The following UGGT1 variants were observed in gnomAD, a reference collection of about 807,000 sequenced individuals.
UGGT1 encodes UDP-glucose:glycoprotein glucosyltransferase 1.
Under a neutral mutation model 203.9 loss-of-function variants are expected in UGGT1, and 107 were observed. That is an observed-to-expected ratio of 0.52 (90% confidence interval 0.45 to 0.62). UGGT1 has a LOEUF of 0.62. UGGT1 is among the 20% of genes least tolerant of loss of function. UGGT1 has a pLI of 0.00. For synonymous variants in UGGT1, 628 were observed against 653.5 expected (o/e 0.96, Z 0.59); for missense variants, 1,673 against 1,867.2 (o/e 0.90, Z 1.92).
At chr2:128,188,108 C>T (rs1176998767) in intron 40 of UGGT1, among the ~76,000 whole-genome samples, 2 of 151,622 alleles carry the variant, frequency 1.3e-5, no homozygotes, top group East Asian at 1.9e-4. Flanking sequence ...GCAGCCTCCA[C>T]CTCCCAGGTT....
chr2:128,153,390 A>G (rs1690073282), intron 19 of UGGT1, among the ~76,000 whole-genome samples: 3 of 152,068 alleles, frequency 2.0e-5, no homozygotes, highest in African/African-American at 4.8e-5. Flanking sequence ...ATACAATTCA[A>G]TGGTTTTTTT....
Position 128,176,907 on chromosome 2 carries a change from G to A in UGGT1, c.3624+9G>A, listed in dbSNP as rs774194124. The stretch of plus-strand genomic sequence containing the variant: ...AAATTATTAAAGTGAAGGTGAGTTT[G>A]GTAAAAGTAGTGGCATTCTGTTATT... On this transcript the variant is annotated intron_variant, in intron 32 of 40. Transcript: ENST00000259253. The A allele has an allele frequency of 1.9e-6, 3 of 1,612,362 alleles. No individual in the cohort carries two copies. The highest frequency in any genetic ancestry group is 1.7e-5 in the Admixed American group (1 of 59,966).
At chr2:128,107,017 A>G (rs1687640131) in intron 3 of UGGT1, among the ~76,000 whole-genome samples, 1 of 152,308 alleles carries the variant, frequency 6.6e-6, no homozygotes, top group African/African-American at 2.4e-5. Flanking sequence ...TTGCATGGAT[A>G]TATGTGATTC....
intron 15 of UGGT1, among the ~76,000 whole-genome samples, chr2:128,137,726 G>C (rs1467168550): frequency 1.3e-5 from 2 of 152,226 alleles, no homozygotes; most frequent in Non-Finnish European, 2.9e-5. Context: ...TTTTGTGAAA[G>C]ATATAAAGTC....
At position 128,091,275 on chromosome 2, in the gene UGGT1, C is replaced by T. The variant is rs568633955; in HGVS notation, c.-83C>T. ...GGCGCGTGTCGGCCTCTCACTGGCG[C>T]AGCCTGCACTGCCGCTGCCGCCTCG... On this transcript the variant is annotated 5_prime_UTR_variant, in exon 1 of 41. Transcript: ENST00000259253. The T allele has an allele frequency of 9.3e-6, 13 of 1,392,146 alleles. No individual in the cohort carries two copies. The highest frequency in any genetic ancestry group is 1.4e-5 in the South Asian group (1 of 71,154). The allele number at this position is 1,392,146 out of a possible 1,614,324, so 86.2% of individuals were successfully genotyped here.
At position 128,176,834 on chromosome 2, in the gene UGGT1, C is replaced by T; in HGVS notation, c.3560C>T (p.Pro1187Leu). The part of the protein sequence containing the change: ...RIYSHDGTDS[P>L]PDADEVVIVL... ...CAAAGCCACGATGGCACTGATTCTCCCCCTGATGCTGATGAGGTGGTTATC... is the reference window on the plus strand; with the variant it reads ...CAAAGCCACGATGGCACTGATTCTCTCCCTGATGCTGATGAGGTGGTTATC... The change falls in exon 32 of 41, where the codon CCC (proline) becomes CTC (leucine). Residue 1187 changes from proline to leucine, a missense_variant. This residue lies in a region of UGGT1 where 513 missense variants were observed against 684.1 expected (regional missense o/e 0.75). Coordinates refer to ENST00000259253, the MANE Select transcript of UGGT1 (RefSeq NM_020120.4). The T allele has an allele frequency of 6.2e-7, 1 of 1,613,996 alleles. No homozygotes were observed.
rs543402761 is a variant in UGGT1 at position 128,131,596 on chromosome 2, A to C, written c.1378-1545A>C. Among the ~76,000 whole-genome samples, 8 of 151,950 alleles carry C rather than the reference A, an allele frequency of 5.3e-5. No homozygotes were observed. In the South Asian group the frequency reaches 1.0e-3, roughly 20 times the overall value. ...ATTTGGGGTAGATATCTGGAACTAG[A>C]GTATTGTATTGTGTTGTGTTGTGTT... On this transcript the variant is annotated intron_variant, in intron 13 of 40. Coordinates refer to ENST00000259253, the MANE Select transcript of UGGT1 (RefSeq NM_020120.4).
In UGGT1 at chr2:128,193,656, A is replaced by G. The variant is rs1692381759; in HGVS notation, c.*3914A>G. ...CTGAGTAGAGGGCCAAGAGCTAGGGACAGGGGGAAGAGACTGGCCCAGGTG... is the reference window on the plus strand; with the variant it reads ...CTGAGTAGAGGGCCAAGAGCTAGGGGCAGGGGGAAGAGACTGGCCCAGGTG... On this transcript the variant is annotated 3_prime_UTR_variant, in exon 41 of 41. Transcript: ENST00000259253. The G allele has an allele frequency of 6.6e-6, 1 of 152,218 alleles. No homozygotes were observed. Among genetic ancestry groups the G allele is most frequent in the African/African-American group, 2.4e-5 (1 of 41,428 alleles). The allele number at this position is 152,218 out of a possible 1,614,324, so 9.4% of individuals were successfully genotyped here.
intron 38 of UGGT1, among the ~76,000 whole-genome samples, chr2:128,185,089 A>G (rs1558831114): frequency 6.6e-6 from 1 of 151,830 alleles, no homozygotes. Flanking sequence ...CATACTGTCT[A>G]TCACATATTT....
At chr2:128,109,822 T>A in intron 5 of UGGT1, 76 bp downstream of exon 5, 1 of 1,237,748 alleles carries the variant, frequency 8.1e-7, no homozygotes, top group South Asian at 1.2e-5. Context: ...CTTCTGATTT[T>A]CTCATCTGTT....
chr2:128,186,276 G>A (rs971025400), intron 38 of UGGT1, among the ~76,000 whole-genome samples: 9 of 152,162 alleles, frequency 5.9e-5, no homozygotes, highest in Non-Finnish European at 1.0e-4. Flanking sequence ...GATCTGTAAC[G>A]AGCAGCTGTA....
chr2:128,187,945 T>G (rs2104844274), intron 40 of UGGT1, among the ~76,000 whole-genome samples: 1 of 150,378 alleles, frequency 6.6e-6, no homozygotes, highest in Middle Eastern at 3.4e-3. Context: ...GATTCCTTGT[T>G]TTTTTTTTCA....
chr2:128,123,686 T>C (rs1688485208), intron 11 of UGGT1, among the ~76,000 whole-genome samples: 1 of 152,224 alleles, frequency 6.6e-6, no homozygotes. Context: ...TGTTCCTGTC[T>C]ATCCATCTTC....
chr2:128,187,395 C>G, intron 39 of UGGT1, 54 bp from the exon 40 acceptor site: 1 of 1,567,900 alleles, frequency 6.4e-7, no homozygotes, highest in Non-Finnish European at 8.7e-7. Flanking sequence ...TTTGAATTCT[C>G]TATCATGTGG....
chr2:128,144,646 A>G (rs997637077), intron 17 of UGGT1, among the ~76,000 whole-genome samples: 3 of 152,212 alleles, frequency 2.0e-5, no homozygotes, highest in African/African-American at 7.2e-5. Flanking sequence ...CATTTAAACT[A>G]TGATGTAGAG....
chr2:128,158,229 T>TA (rs1265053331), intron 22 of UGGT1, among the ~76,000 whole-genome samples: 1 of 152,186 alleles, frequency 6.6e-6, no homozygotes, highest in Non-Finnish European at 1.5e-5. Context: ...ATAACTATTT[T>TA]AATTGAAGTA....
intron 17 of UGGT1, among the ~76,000 whole-genome samples, chr2:128,145,464 A>C (rs1689635783): frequency 6.6e-6 from 1 of 151,754 alleles, no homozygotes; most frequent in Non-Finnish European, 1.5e-5. Flanking sequence ...TAGAATATGT[A>C]GTTCAGTTTT....
At chr2:128,120,184 A>C (rs984055581) in intron 8 of UGGT1, among the ~76,000 whole-genome samples, 172 bp from the exon 9 acceptor site, 1 of 151,814 alleles carries the variant, frequency 6.6e-6, no homozygotes, top group Non-Finnish European at 1.5e-5. Context: ...CTAGCTTCTA[A>C]TTTTCTATTT....
chr2:128,156,642 C>T (rs1690248119), intron 21 of UGGT1, among the ~76,000 whole-genome samples: 1 of 150,870 alleles, frequency 6.6e-6, no homozygotes, highest in Admixed American at 6.6e-5. Context: ...ACTGCAAGCT[C>T]CGCCTTCTGG....
Sources: gnomAD v4.1 joint callset for allele counts (sites outside exome capture counted in the v4.1 genomes callset) on GRCh38, gnomAD v4.1.1 for gene constraint, gnomAD v4.1.1 regional missense constraint, MANE v1.5 for transcripts, NCBI Gene and HGNC (gene_info 2026-07-23, HGNC 2026-07-21) for gene names.